FAF1: variants seen among roughly 807,000 people sequenced by gnomAD.
FAF1 encodes Fas associated factor 1.
A neutral mutation model predicts 92.5 loss-of-function variants in FAF1; 25 were observed. That is an observed-to-expected ratio of 0.27 (90% confidence interval 0.20 to 0.38). The LOEUF is 0.38. Among genes scored for constraint, FAF1 ranks in the 10% least tolerant of loss-of-function variants. The pLI, the probability that FAF1 is intolerant of heterozygous loss-of-function variation, is 1.00. For missense variants in FAF1, 636 were observed against 793.3 expected (o/e 0.80, Z 2.38); for synonymous variants, 234 against 273.2 (o/e 0.86, Z 1.42).
In FAF1 at chr1:50,738,916, A is replaced by G. The variant is rs768210237; in HGVS notation, c.498T>C (p.Ser166=). 1.2e-6 allele frequency: 2 copies of G among 1,609,622 alleles called. No individual in the cohort carries two copies. Among genetic ancestry groups the G allele is most frequent in the Non-Finnish European group, 1.7e-6 (2 of 1,177,482 alleles). The change falls in exon 6 of 19, where the codon AGT becomes AGC. Residue 166 remains serine, a synonymous_variant. Transcript: ENST00000396153. ...LKSLHLPKNN[S]LYVLTPDLPP... ...GCAAATCTGGTGTAAGGACATAAAG[A>G]CTGTTGTTTTTTGGCAAGTGTAGAG...
intron 12 of FAF1, among the ~76,000 whole-genome samples, chr1:50,568,901 T>A (rs949837216): frequency 6.6e-6 from 1 of 152,154 alleles, no homozygotes; most frequent in Non-Finnish European, 1.5e-5. Context: ...GCAGGACTCC[T>A]GGGTATAAGT....
At chr1:50,751,126 C>G (rs1372989681) in intron 4 of FAF1, among the ~76,000 whole-genome samples, 3 of 123,922 alleles carry the variant, frequency 2.4e-5, no homozygotes, top group Non-Finnish European at 3.4e-5. Flanking sequence ...AAGCATTTGA[C>G]AATATTCAAC....
intron 8 of FAF1, among the ~76,000 whole-genome samples, chr1:50,626,074 A>G (rs1220029232): frequency 1.3e-5 from 2 of 152,224 alleles, no homozygotes; most frequent in African/African-American, 4.8e-5. Flanking sequence ...AAGTTAAATT[A>G]AATAATTATA....
chr1:50,729,071 T>C lies in FAF1; in HGVS notation c.551+9792A>G, dbSNP rs2124469688. Among the ~76,000 whole-genome samples, 2 of 145,738 alleles carry C rather than the reference T, an allele frequency of 1.4e-5. 1 individual carries two copies. The highest frequency in any genetic ancestry group is 4.3e-4 in the South Asian group (2 of 4,624). Reference sequence around the variant, plus strand: ...ATATATATATATATTTTTTTTTTTTTTGAGGCAGAGTTTCGCTATTGTTGC... The same window carrying C: ...ATATATATATATATTTTTTTTTTTTCTGAGGCAGAGTTTCGCTATTGTTGC... On this transcript the variant is annotated intron_variant, in intron 6 of 18. Coordinates refer to ENST00000396153, the MANE Select transcript of FAF1 (RefSeq NM_007051.3).
Position 50,583,642 on chromosome 1 carries a change from C to T in FAF1, c.1031+10G>A. On this transcript the variant is annotated intron_variant, in intron 11 of 18. Transcript: ENST00000396153. This position sits in a 1 kb window ranked among gnomAD's most constrained non-coding sequence, Gnocchi z 4.2. ...GCATCAAATTTATATAGTTAATGTC[C>T]TAACCCTACCTTGAAGAAAACTCTG... The T allele has an allele frequency of 6.5e-7, 1 of 1,548,642 alleles. No homozygotes were observed. The highest frequency in any genetic ancestry group is 8.8e-7 in the Non-Finnish European group (1 of 1,136,842).
chr1:50,854,965 T>G (rs1259146665), intron 2 of FAF1, among the ~76,000 whole-genome samples: 1 of 151,812 alleles, frequency 6.6e-6, no homozygotes, highest in Non-Finnish European at 1.5e-5. Context: ...ACATTTTGGA[T>G]GATGTTTGAA....
chr1:50,866,101 C>G (rs370103366), intron 1 of FAF1, among the ~76,000 whole-genome samples: 1 of 152,094 alleles, frequency 6.6e-6, no homozygotes, highest in Non-Finnish European at 1.5e-5. Flanking sequence ...ACAAACATCA[C>G]ATGATAATCT....
intron 8 of FAF1, among the ~76,000 whole-genome samples, chr1:50,605,828 T>A (rs1469582512): frequency 2.6e-5 from 4 of 152,236 alleles, no homozygotes; most frequent in African/African-American, 9.6e-5. Context: ...TAGAACTATT[T>A]GTTGAATGTT....
At chr1:50,517,072 A>C (rs1382129194) in intron 15 of FAF1, among the ~76,000 whole-genome samples, 1 of 152,168 alleles carries the variant, frequency 6.6e-6, no homozygotes, top group Non-Finnish European at 1.5e-5. Context: ...AAATACATTC[A>C]TGTGCATGTA....
chr1:50,831,689 A>G (rs568259272), intron 2 of FAF1, among the ~76,000 whole-genome samples: 1 of 152,162 alleles, frequency 6.6e-6, no homozygotes, highest in East Asian at 1.9e-4. Flanking sequence ...TTTTCTAAAA[A>G]TGTGAGCCTT....
intron 6 of FAF1, among the ~76,000 whole-genome samples, chr1:50,734,075 G>A (rs1659039421): frequency 6.6e-6 from 1 of 152,184 alleles, no homozygotes; most frequent in Non-Finnish European, 1.5e-5. Context: ...GGGAATACAG[G>A]CGTGAGCCAC....
intron 12 of FAF1, among the ~76,000 whole-genome samples, chr1:50,574,033 G>A (rs1488852507): frequency 6.6e-6 from 1 of 152,098 alleles, no homozygotes; most frequent in East Asian, 1.9e-4. Flanking sequence ...GGAGGCTGAG[G>A]TAGAATTGCT....
At chr1:50,442,972 C>A (rs1646187131) in intron 18 of FAF1, among the ~76,000 whole-genome samples, 1 of 152,198 alleles carries the variant, frequency 6.6e-6, no homozygotes, top group African/African-American at 2.4e-5. Flanking sequence ...GCCTGTCTAT[C>A]TTCCAATGCA....
chr1:50,801,257 G>C (rs1281442575), intron 3 of FAF1, among the ~76,000 whole-genome samples: 1 of 152,194 alleles, frequency 6.6e-6, no homozygotes, highest in African/African-American at 2.4e-5. Context: ...TCTGTAGTAA[G>C]CCTGGAGATA....
intron 4 of FAF1, among the ~76,000 whole-genome samples, chr1:50,766,747 C>G (rs1478494662): frequency 7.5e-6 from 1 of 133,000 alleles, no homozygotes; most frequent in Non-Finnish European, 1.6e-5. Context: ...ATCAAACCCC[C>G]AAGGGCATCA....
intron 6 of FAF1, among the ~76,000 whole-genome samples, chr1:50,713,312 C>T (rs1392145483): frequency 6.6e-6 from 1 of 151,820 alleles, no homozygotes; most frequent in Non-Finnish European, 1.5e-5. Context: ...CTCACTCTGT[C>T]ACCCAGGCTG....
At chr1:50,898,789 G>A (rs1026279427) in intron 1 of FAF1, among the ~76,000 whole-genome samples, 4 of 151,932 alleles carry the variant, frequency 2.6e-5, no homozygotes, top group Admixed American at 1.3e-4. Flanking sequence ...TAAATTTTTC[G>A]ATTTTCACAG....
chr1:50,529,179 T>C (rs1183903146), intron 15 of FAF1, among the ~76,000 whole-genome samples: 1 of 152,228 alleles, frequency 6.6e-6, no homozygotes, highest in African/African-American at 2.4e-5. Flanking sequence ...GGTTTGCAGT[T>C]ATTTATTATA....
rs966140124 is a variant in FAF1, at chr1:50,440,752, A to C, written c.*688T>G. ...CTCTGCACATGATCTCAACATTCAC[A>C]TTGTGTGCTTGAACAGTTTCCCTAT... On this transcript the variant is annotated 3_prime_UTR_variant, in exon 19 of 19. Coordinates refer to ENST00000396153, the MANE Select transcript of FAF1 (RefSeq NM_007051.3). 5.9e-5 allele frequency: 9 copies of C among 152,242 alleles called. No individual in the cohort carries two copies. Among genetic ancestry groups the C allele is most frequent in the African/African-American group, 1.9e-4 (8 of 41,460 alleles). 9.4% of individuals were successfully genotyped at this position (152,242 alleles called of 1,614,324 possible). A position where few individuals can be genotyped will look rare whatever the true frequency, so the allele number is the denominator to read the frequency against.
Sources: allele counts gnomAD v4.1 joint callset (sites outside exome capture counted in the v4.1 genomes callset), GRCh38; gene constraint gnomAD v4.1.1; non-coding constraint Gnocchi (gnomAD v3.1); transcripts MANE v1.5; gene names NCBI Gene and HGNC (gene_info 2026-07-23, HGNC 2026-07-21).